Variants in ZNF280C observed in about 807,000 individuals in gnomAD.
The protein encoded by ZNF280C is zinc finger protein 280C, also known as suppressor of hairy wing homolog 3.
Under a neutral mutation model 53.6 loss-of-function variants are expected in ZNF280C, and 14 were observed. The observed-to-expected ratio is 0.26, with a 90% CI of 0.17 to 0.41. The LOEUF (loss-of-function observed/expected upper bound fraction) is 0.41, where lower values mean the gene tolerates loss of function less well. Among genes scored for constraint, ZNF280C ranks in the 10% least tolerant of loss-of-function variants. The probability of loss-of-function intolerance (pLI) is 1.00; values close to 1 mark genes in which losing one functional copy is unlikely to be tolerated. For synonymous variants in ZNF280C, 203 were observed against 181.1 expected (o/e 1.12, Z -0.97); for missense variants, 416 against 547.1 (o/e 0.76, Z 2.39).
intron 1 of ZNF280C, among the ~76,000 whole-genome samples, chrX:130,263,494 C>T (rs1277810589): frequency 8.9e-6 from 1 of 111,877 alleles, no homozygotes; most frequent in Non-Finnish European, 1.9e-5. Flanking sequence ...TACCAAATGT[C>T]TAGAAATGTC....
intron 5 of ZNF280C, among the ~76,000 whole-genome samples, chrX:130,243,167 T>G (rs2032412212): frequency 9.0e-6 from 1 of 111,641 alleles, no homozygotes; most frequent in Admixed American, 9.6e-5. Flanking sequence ...CACAATTTTT[T>G]GGGTTTGTTT....
chrX:130,223,667 A>G (rs1355413117), intron 12 of ZNF280C, among the ~76,000 whole-genome samples: 1 of 112,276 alleles, frequency 8.9e-6, no homozygotes, highest in Non-Finnish European at 1.9e-5. Flanking sequence ...GTTGTTATTA[A>G]AGAGCTAATG....
At chrX:130,206,192 C>T (rs5977226) in intron 16 of ZNF280C, among the ~76,000 whole-genome samples, 1 of 110,487 alleles carries the variant, frequency 9.1e-6, no homozygotes, top group African/African-American at 3.3e-5. Flanking sequence ...AATCTAGTAT[C>T]TTAGTCAAAT....
intron 4 of ZNF280C, 29 bp from the exon 5 acceptor site, chrX:130,243,728 A>G (rs1161618102): frequency 8.5e-7 from 1 of 1,179,875 alleles, no homozygotes; most frequent in South Asian, 1.9e-5. Context: ...CAACATATTG[A>G]ATATATTTCT....
chrX:130,230,575 T>C lies in ZNF280C; in HGVS notation c.924A>G (p.Lys308=). ...YYGRHEGVTE[K]EPKTYTTFKC... ...TAAAGGTTGTGTAAGTCTTTGGCTC[T>C]TTCTCAGTGACTCCTTCATGCCTTC... is the stretch of plus-strand genomic sequence containing the variant. The change falls in exon 9 of 19, where the codon AAA becomes AAG. Residue 308 remains lysine, a synonymous_variant. Coordinates refer to ENST00000370978, the MANE Select transcript of ZNF280C (RefSeq NM_017666.5). 2.5e-6 allele frequency: 3 copies of C among 1,210,777 alleles called. No homozygotes were observed. Among genetic ancestry groups the C allele is most frequent in the Non-Finnish European group, 3.4e-6 (3 of 894,668 alleles).
chrX:130,247,538 C>G (rs2032463242), intron 2 of ZNF280C, among the ~76,000 whole-genome samples: 1 of 111,527 alleles, frequency 9.0e-6, no homozygotes, highest in Admixed American at 9.6e-5. Context: ...AAGAAATGAG[C>G]TCAGAACTAA....
At chrX:130,248,074 AAC>A (rs779908635) in intron 2 of ZNF280C, among the ~76,000 whole-genome samples, 2 of 101,313 alleles carry the variant, frequency 2.0e-5, no homozygotes, top group Non-Finnish European at 4.0e-5. Context: ...AAAGCAATAA[AAC>A]AGATTAAAGG....
intron 15 of ZNF280C, among the ~76,000 whole-genome samples, chrX:130,211,538 G>C (rs1035504229): frequency 1.8e-5 from 2 of 111,503 alleles, no homozygotes; most frequent in African/African-American, 6.5e-5. Context: ...GAGTAGGAGT[G>C]AGGGTGCACC....
intron 8 of ZNF280C, among the ~76,000 whole-genome samples, chrX:130,235,062 G>A (rs2032316827): frequency 9.0e-6 from 1 of 111,297 alleles, no homozygotes; most frequent in African/African-American, 3.3e-5. Context: ...AATGCGACAT[G>A]GATATGTCAC....
chrX:130,235,840 A>AC (rs927374513), intron 8 of ZNF280C, among the ~76,000 whole-genome samples: 1 of 111,067 alleles, frequency 9.0e-6, no homozygotes, highest in African/African-American at 3.3e-5. Flanking sequence ...CTCTTCTCCT[A>AC]CCCCTCCACA....
chrX:130,249,447 C>A (rs977545569), intron 2 of ZNF280C, among the ~76,000 whole-genome samples: 1 of 112,031 alleles, frequency 8.9e-6, no homozygotes, highest in African/African-American at 3.2e-5. Context: ...ACGAGCACCT[C>A]AGTCCCCCTA....
intron 8 of ZNF280C, among the ~76,000 whole-genome samples, chrX:130,233,032 CAG>C: frequency 9.0e-6 from 1 of 111,267 alleles, no homozygotes; most frequent in East Asian, 2.8e-4. Context: ...GCCATAAAAA[CAG>C]AAAGAAATCT....
intron 12 of ZNF280C, among the ~76,000 whole-genome samples, chrX:130,225,569 A>C (rs1234720186): frequency 2.7e-5 from 3 of 110,464 alleles, no homozygotes; most frequent in Non-Finnish European, 5.7e-5. Flanking sequence ...GAACAAGTTA[A>C]GAGGGGAACA....
At chrX:130,252,537 T>C (rs936520052) in intron 2 of ZNF280C, among the ~76,000 whole-genome samples, 3 of 110,598 alleles carry the variant, frequency 2.7e-5, no homozygotes, top group African/African-American at 9.9e-5. Flanking sequence ...CTGGCCAATA[T>C]GGTGAAACCC....
At chrX:130,245,476 T>C (rs1409485490) in intron 3 of ZNF280C, among the ~76,000 whole-genome samples, 1 of 111,948 alleles carries the variant, frequency 8.9e-6, no homozygotes, top group Non-Finnish European at 1.9e-5. Context: ...ACCTCCCAAT[T>C]TGCCACAGGA....
chrX:130,234,087 G>A (rs919933793), intron 8 of ZNF280C, among the ~76,000 whole-genome samples: 1 of 111,483 alleles, frequency 9.0e-6, no homozygotes, highest in Admixed American at 9.5e-5. Context: ...ATATACATGG[G>A]TTTAACTCAA....
intron 10 of ZNF280C, among the ~76,000 whole-genome samples, 175 bp downstream of exon 10, chrX:130,228,802 G>A (rs183039613): frequency 9.2e-6 from 1 of 108,283 alleles, no homozygotes; most frequent in Admixed American, 1.0e-4. Flanking sequence ...CATCACACCT[G>A]GCTTTAGAAC....
chrX:130,213,083 G>A (rs1488473154), intron 15 of ZNF280C, among the ~76,000 whole-genome samples: 1 of 112,353 alleles, frequency 8.9e-6, no homozygotes, highest in Non-Finnish European at 1.9e-5. Flanking sequence ...GCCGGGCGTG[G>A]TGGCTCACGC....
At chrX:130,222,374 G>A (rs751550909) in intron 12 of ZNF280C, among the ~76,000 whole-genome samples, 10 of 102,808 alleles carry the variant, frequency 9.7e-5, no homozygotes, top group Non-Finnish European at 1.9e-4. Flanking sequence ...TACAAACCTT[G>A]CTTTGCTTAC....
Sources: gnomAD v4.1 joint callset for allele counts (sites outside exome capture counted in the v4.1 genomes callset) on GRCh38, gnomAD v4.1.1 for gene constraint, MANE v1.5 for transcripts, NCBI Gene and HGNC (gene_info 2026-07-23, HGNC 2026-07-21) for gene names.